PTPRM: variants seen among roughly 807,000 people sequenced by gnomAD.
PTPRM encodes receptor-type tyrosine-protein phosphatase mu.
PTPRM carries 47 observed loss-of-function variants against 186.7 expected under a neutral mutation model. That is an observed-to-expected ratio of 0.25 (90% CI 0.20 to 0.32). The LOEUF is 0.32. PTPRM is among the 10% of genes least tolerant of loss of function. PTPRM has a pLI of 1.00. For synonymous variants in PTPRM, 668 were observed against 674.9 expected, an observed-to-expected ratio of 0.99 and a Z score of 0.16; for missense variants, 1,494 against 1,865.0, an observed-to-expected ratio of 0.80 and a Z score of 3.66.
intron 2 of PTPRM, among the ~76,000 whole-genome samples, chr18:7,874,034 A>G (rs950160813): frequency 1.2e-4 from 18 of 152,058 alleles, no homozygotes; most frequent in African/African-American, 4.3e-4. Flanking sequence ...AGTTGTCAAC[A>G]TTATATTATT....
At chr18:7,645,382 A>G (rs2038537183) in intron 1 of PTPRM, among the ~76,000 whole-genome samples, 1 of 152,220 alleles carries the variant, frequency 6.6e-6, no homozygotes, top group Non-Finnish European at 1.5e-5. Context: ...CTTAGTGTTT[A>G]GAAATGAATT....
intron 15 of PTPRM, among the ~76,000 whole-genome samples, chr18:8,247,443 A>G (rs2094487802): frequency 6.6e-6 from 1 of 152,218 alleles, no homozygotes; most frequent in Admixed American, 6.5e-5. Context: ...CTATGGGAAC[A>G]TTGACATTGG....
At chr18:7,770,236 T>C (rs1438775350) in intron 1 of PTPRM, among the ~76,000 whole-genome samples, 1 of 152,182 alleles carries the variant, frequency 6.6e-6, no homozygotes, top group East Asian at 1.9e-4. Context: ...GGACTTTGCC[T>C]CCTTAACATA....
chr18:7,877,812 TTTG>T (rs1378193500), intron 2 of PTPRM, among the ~76,000 whole-genome samples: 1 of 152,174 alleles, frequency 6.6e-6, no homozygotes, highest in Non-Finnish European at 1.5e-5. Context: ...GTAGGCACTG[TTTG>T]TTTTTGAGTT....
chr18:8,237,905 T>G (rs530017207), intron 14 of PTPRM, among the ~76,000 whole-genome samples: 2 of 152,318 alleles, frequency 1.3e-5, no homozygotes, highest in African/African-American at 4.8e-5. Flanking sequence ...TGAGGAGAAG[T>G]GCAATGTAAT....
At chr18:8,196,912 G>A (rs942445416) in intron 14 of PTPRM, among the ~76,000 whole-genome samples, 1 of 152,152 alleles carries the variant, frequency 6.6e-6, no homozygotes, top group East Asian at 1.9e-4. Flanking sequence ...GTGGGCAAAC[G>A]TCTGACTTGA....
At chr18:8,058,953 C>T (rs2088245648) in intron 7 of PTPRM, among the ~76,000 whole-genome samples, 2 of 80,742 alleles carry the variant, frequency 2.5e-5, no homozygotes, top group Admixed American at 2.3e-4. Context: ...TTTTTGGTTC[C>T]ATATGAATTT....
chr18:8,031,360 A>G (rs546932100), intron 7 of PTPRM, among the ~76,000 whole-genome samples: 1 of 152,320 alleles, frequency 6.6e-6, no homozygotes, highest in Admixed American at 6.5e-5. Context: ...ATGTCTGGGA[A>G]TGAAAAACAG....
intron 2 of PTPRM, among the ~76,000 whole-genome samples, chr18:7,824,887 G>A (rs951355693): frequency 6.6e-6 from 1 of 152,186 alleles, no homozygotes; most frequent in Admixed American, 6.5e-5. Flanking sequence ...TCAACATGGT[G>A]TCAGCTGCTT....
chr18:7,983,482 T>C (rs2147481640), intron 7 of PTPRM, among the ~76,000 whole-genome samples: 1 of 152,266 alleles, frequency 6.6e-6, no homozygotes, highest in Non-Finnish European at 1.5e-5. Flanking sequence ...CCTGCCCCTG[T>C]CCTGCCATGG....
intron 23 of PTPRM, among the ~76,000 whole-genome samples, chr18:8,356,223 G>C (rs1378752542): frequency 1.2e-5 from 1 of 80,640 alleles, no homozygotes; most frequent in East Asian, 4.8e-4. Flanking sequence ...TAGCTCTGCA[G>C]GGAAAAGAGA....
intron 7 of PTPRM, among the ~76,000 whole-genome samples, chr18:7,991,888 A>G (rs1436150851): frequency 6.6e-6 from 1 of 152,180 alleles, no homozygotes. Flanking sequence ...AGATACATGG[A>G]TGATGTTTCA....
At chr18:7,774,516 A>C (rs1362698815) in intron 2 of PTPRM, among the ~76,000 whole-genome samples, 1 of 152,206 alleles carries the variant, frequency 6.6e-6, no homozygotes. Flanking sequence ...ATTAGTGGGC[A>C]TTACCCAGTT....
chr18:8,376,469 G>T lies in PTPRM; in HGVS notation c.3334G>T (p.Ala1112Ser). The T allele has an allele frequency of 1.2e-6, 2 of 1,614,172 alleles. No individual in the cohort carries two copies. Among genetic ancestry groups the T allele is most frequent in the Non-Finnish European group, 1.7e-6 (2 of 1,180,014 alleles). ...ACCCCCCTTTTCATTCAGTGCTGGT[G>T]CAGGGAGGACTGGCTGTTTCATCGT... ...GPLVVHCSAG[A>S]GRTGCFIVID... Residue 1112 changes from alanine (A) to serine (S), a missense_variant, in exon 26 of 33, where the codon GCA becomes TCA. By Grantham distance (99) the Ala-to-Ser change is moderately conservative. This residue lies in a region of PTPRM where 1,107 missense variants were observed against 1,350.2 expected (regional missense o/e 0.82). Coordinates refer to ENST00000580170, the MANE Select transcript of PTPRM (RefSeq NM_001105244.2).
chr18:7,824,887 G>T (rs951355693), intron 2 of PTPRM, among the ~76,000 whole-genome samples: 1 of 152,186 alleles, frequency 6.6e-6, no homozygotes, highest in Non-Finnish European at 1.5e-5. Context: ...TCAACATGGT[G>T]TCAGCTGCTT....
At chr18:8,158,416 A>T (rs1256044229) in intron 14 of PTPRM, among the ~76,000 whole-genome samples, 1 of 152,172 alleles carries the variant, frequency 6.6e-6, no homozygotes. Context: ...TTTTCTTGGG[A>T]TGATCGTTTA....
chr18:7,984,811 A>G (rs1044272029), intron 7 of PTPRM, among the ~76,000 whole-genome samples: 1 of 137,200 alleles, frequency 7.3e-6, no homozygotes, highest in Non-Finnish European at 1.5e-5. Context: ...ATATACATAT[A>G]AAATTATATA....
At chr18:7,981,295 C>T (rs1183004891) in intron 7 of PTPRM, among the ~76,000 whole-genome samples, 2 of 152,116 alleles carry the variant, frequency 1.3e-5, no homozygotes, top group Non-Finnish European at 2.9e-5. Flanking sequence ...ATCCCTGCTA[C>T]ACTGGAAGCC....
At position 8,065,431 on chromosome 18, in the gene PTPRM, T is replaced by C. The variant is rs188996589; in HGVS notation, c.1133-4255T>C. Reference sequence around the variant, plus strand: ...GAATGAAAAATGCTGCAGGCATCAGTGGGAGAGTCGGTAAGAGCTCACTGA... The same window carrying C: ...GAATGAAAAATGCTGCAGGCATCAGCGGGAGAGTCGGTAAGAGCTCACTGA... On this transcript the variant is annotated intron_variant, in intron 7 of 32. Transcript: ENST00000580170. Among the ~76,000 whole-genome samples the C allele has an allele frequency of 3.3e-5, 5 of 152,228 alleles. No homozygotes were observed. The East Asian group carries it at 9.7e-4, about 30-fold the overall frequency.
Sources: allele counts gnomAD v4.1 joint callset (sites outside exome capture counted in the v4.1 genomes callset), GRCh38; gene constraint gnomAD v4.1.1; regional missense constraint gnomAD v4.1.1; transcripts MANE v1.5; gene names NCBI Gene and HGNC (gene_info 2026-07-23, HGNC 2026-07-21).